The following SLC26A5 variants were observed in gnomAD, a reference collection of about 807,000 sequenced individuals.
The protein encoded by SLC26A5 is prestin.
Under a neutral mutation model 81.0 loss-of-function variants are expected in SLC26A5, and 51 were observed. The observed-to-expected ratio is 0.63, with a 90% CI of 0.50 to 0.80. SLC26A5 has a LOEUF of 0.80. SLC26A5 is among the 30% of genes least tolerant of loss of function. SLC26A5 has a pLI of 0.00. For missense variants in SLC26A5, 771 were observed against 905.8 expected (o/e 0.85, Z 1.91); for synonymous variants, 325 against 332.8 (o/e 0.98, Z 0.25).
intron 19 of SLC26A5, chr7:103,363,316 A>G: frequency 1.3e-6 from 2 of 1,550,554 alleles, no homozygotes; most frequent in Non-Finnish European, 1.8e-6. Flanking sequence ...CTGTGACTGT[A>G]TGTTGTACAT....
At chr7:103,388,364 T>A (rs866272500) in intron 14 of SLC26A5, among the ~76,000 whole-genome samples, 1 of 150,766 alleles carries the variant, frequency 6.6e-6, no homozygotes, top group East Asian at 2.0e-4. Context: ...GCCTGGCTAA[T>A]TTTTTTTTGT....
At chr7:103,396,186 T>G (rs1823096837) in intron 9 of SLC26A5, among the ~76,000 whole-genome samples, 1 of 152,152 alleles carries the variant, frequency 6.6e-6, no homozygotes, top group Non-Finnish European at 1.5e-5. Context: ...TTTAAAACTA[T>G]TAAATTTAGG....
chr7:103,355,076 T>C, intron 19 of SLC26A5: 1 of 691,702 alleles, frequency 1.4e-6, no homozygotes, highest in Non-Finnish European at 2.5e-6. Context: ...TTCCTTTCTG[T>C]TAAGAAATTA....
chr7:103,378,600 G>A, intron 16 of SLC26A5, 47 bp from the exon 17 acceptor site: 2 of 1,533,104 alleles, frequency 1.3e-6, no homozygotes, highest in Non-Finnish European at 1.8e-6. Context: ...GGCTCTCAGG[G>A]ACCCACCCCA....
intron 15 of SLC26A5, 78 bp from the exon 16 acceptor site, chr7:103,379,413 T>C (rs1821610612): frequency 2.2e-6 from 2 of 920,528 alleles, no homozygotes; most frequent in Non-Finnish European, 3.4e-6. Flanking sequence ...CCACCCCAAA[T>C]AGAAAATGAA....
intron 19 of SLC26A5, among the ~76,000 whole-genome samples, chr7:103,354,648 G>C (rs1353791234): frequency 1.3e-5 from 2 of 152,082 alleles, no homozygotes; most frequent in Non-Finnish European, 2.9e-5. Flanking sequence ...GGGATTATAG[G>C]CATGAGCCAC....
At chr7:103,376,972 G>T in intron 18 of SLC26A5, 110 bp from the exon 19 acceptor site, 1 of 729,656 alleles carries the variant, frequency 1.4e-6, no homozygotes, top group Non-Finnish European at 2.4e-6. Context: ...ATTCACTTGA[G>T]CTACTTTGCT....
At chr7:103,426,668 G>A (rs1435167575) in intron 2 of SLC26A5, among the ~76,000 whole-genome samples, 1 of 152,288 alleles carries the variant, frequency 6.6e-6, no homozygotes, top group African/African-American at 2.4e-5. Flanking sequence ...GAAAGGAGAA[G>A]ATGTTGTAAT....
At chr7:103,354,431 C>T (rs1223859548) in intron 19 of SLC26A5, among the ~76,000 whole-genome samples, 1 of 147,304 alleles carries the variant, frequency 6.8e-6, no homozygotes, top group African/African-American at 2.5e-5. Context: ...TGCAATGGCG[C>T]GATCTTGGTT....
At chr7:103,371,931 G>T (rs2116308697), downstream of SLC26A5, among the ~76,000 whole-genome samples, 1 of 152,008 alleles carries the variant, frequency 6.6e-6, no homozygotes, top group African/African-American at 2.4e-5. Flanking sequence ...TCCTGACCTT[G>T]TGATCTGCCC....
At chr7:103,391,795 T>C (rs1822681388) in intron 10 of SLC26A5, 60 bp from the exon 11 acceptor site, 7 of 1,284,680 alleles carry the variant, frequency 5.4e-6, no homozygotes, top group Non-Finnish European at 7.8e-6. Flanking sequence ...AAAAAAAGCA[T>C]AATAGCCCAT....
At chr7:103,435,038 A>G (rs1826352295) in intron 2 of SLC26A5, 2 of 152,272 alleles carry the variant, frequency 1.3e-5, no homozygotes, top group Admixed American at 6.5e-5. Context: ...GAACAAAGAA[A>G]TCAGTAACTG....
At chr7:103,416,462 T>C (rs1328217389) in intron 4 of SLC26A5, among the ~76,000 whole-genome samples, 1 of 152,376 alleles carries the variant, frequency 6.6e-6, no homozygotes, top group Non-Finnish European at 1.5e-5. Context: ...AGACTTTTAG[T>C]TAACCTTCTT....
At chr7:103,389,169 T>A in intron 13 of SLC26A5, 55 bp from the exon 14 acceptor site, 1 of 1,383,312 alleles carries the variant, frequency 7.2e-7, no homozygotes, top group Non-Finnish European at 1.0e-6. Flanking sequence ...CCCACAAGAG[T>A]TAAACACACA....
Position 103,377,579 on chromosome 7 carries a change from T to A in SLC26A5, c.1986+20A>T, listed in dbSNP as rs1821446274. ...ACCAGGCATAGAGGTATTAAATGAC[T>A]CGTTCAAGAGGATGCTTACCCCTGC... On this transcript the variant is annotated intron_variant, in intron 18 of 19. Transcript: ENST00000306312. The A allele has an allele frequency of 6.2e-7, 1 of 1,611,056 alleles. No homozygotes were observed. The highest frequency in any genetic ancestry group is 1.7e-5 in the Admixed American group (1 of 60,002).
chr7:103,383,682 T>C (rs2116408951), intron 14 of SLC26A5, among the ~76,000 whole-genome samples: 1 of 152,308 alleles, frequency 6.6e-6, no homozygotes, highest in East Asian at 1.9e-4. Context: ...ATTTACTTAT[T>C]TATTTTTTTA....
At position 103,378,549 on chromosome 7, in the gene SLC26A5, C is replaced by T. The variant is rs150152315; in HGVS notation, c.1682G>A (p.Gly561Glu). ...LYSNALKRKT[G>E]VNPAVIMGAR... Reference sequence around the variant, plus strand: ...TCCCATGATGACTGCTGGGTTCACTCCAGTCTTTACAGAAGAGCACCATAT... The same window carrying T: ...TCCCATGATGACTGCTGGGTTCACTTCAGTCTTTACAGAAGAGCACCATAT... Residue 561 changes from glycine (G) to glutamate (E), a missense_variant, in exon 17 of 20, where the codon GGA (glycine) becomes GAA (glutamate). By Grantham distance (98) the Gly-to-Glu change is moderately conservative (BLOSUM62 -2). Coordinates refer to ENST00000306312, the MANE Select transcript of SLC26A5 (RefSeq NM_198999.3). 16 of 1,613,896 alleles carry T rather than the reference C, an allele frequency of 9.9e-6. No individual in the cohort carries two copies. The South Asian group carries it at 1.3e-4, about 13-fold the overall frequency.
intron 7 of SLC26A5, among the ~76,000 whole-genome samples, chr7:103,409,991 G>C (rs931077581): frequency 6.6e-6 from 1 of 152,148 alleles, no homozygotes; most frequent in Non-Finnish European, 1.5e-5. Context: ...ACAGGCATAA[G>C]CCACCACGCC....
At chr7:103,359,318 A>G (rs1304799877) in intron 19 of SLC26A5, among the ~76,000 whole-genome samples, 1 of 151,772 alleles carries the variant, frequency 6.6e-6, no homozygotes, top group Non-Finnish European at 1.5e-5. Flanking sequence ...TTTTTTTAAT[A>G]ACAATCTTAC....
Sources: gnomAD v4.1 joint callset for allele counts (sites outside exome capture counted in the v4.1 genomes callset) on GRCh38, gnomAD v4.1.1 for gene constraint, MANE v1.5 for transcripts, NCBI Gene and HGNC (gene_info 2026-07-23, HGNC 2026-07-21) for gene names.